Variants in PAH observed in about 807,000 individuals in gnomAD.
The protein encoded by PAH is phenylalanine-4-hydroxylase.
Under a neutral mutation model 62.0 loss-of-function variants are expected in PAH, and 64 were observed. The observed-to-expected ratio is 1.03, with a 90% confidence interval of 0.84 to 1.27. PAH has a LOEUF of 1.27. Ranked by LOEUF, PAH falls within the 50% of genes most tolerant of loss-of-function variation. PAH has a pLI of 0.00. For synonymous variants in PAH, 195 were observed against 196.2 expected, an observed-to-expected ratio of 0.99 and a Z score of 0.05; for missense variants, 579 against 542.8, an observed-to-expected ratio of 1.07 and a Z score of -0.66.
chr12:102,890,824 T>C (rs887543073), intron 3 of PAH, among the ~76,000 whole-genome samples: 1 of 152,200 alleles, frequency 6.6e-6, no homozygotes, highest in African/African-American at 2.4e-5. Flanking sequence ...GGCTCACACT[T>C]GTAATCTCAG....
chr12:102,839,187 C>A lies in PAH; in HGVS notation c.1347G>T (p.Gln449His), dbSNP rs1258710210. The change falls in exon 13 of 13, where the codon CAG becomes CAT. Residue 449 changes from glutamine to histidine, a missense_variant. Gln to His is a conservative substitution (Grantham distance 24, BLOSUM62 0). Transcript: ENST00000553106. ...TCTGTCCATGGCTTTACTTTATTTT[C>A]TGGAGGGCACTGCAAAGGATTCCAA... ...SEIGILCSAL[Q>H]KIK 3.1e-6 allele frequency: 5 copies of A among 1,613,736 alleles called. No homozygotes were observed. The highest frequency in any genetic ancestry group is 4.2e-6 in the Non-Finnish European group (5 of 1,179,784).
At chr12:102,956,438 C>T (rs1316506082) in intron 1 of PAH, among the ~76,000 whole-genome samples, 1 of 152,170 alleles carries the variant, frequency 6.6e-6, no homozygotes, top group Non-Finnish European at 1.5e-5. Flanking sequence ...GCTGCAAGCG[C>T]CTCCCCCTCC....
intron 3 of PAH, among the ~76,000 whole-genome samples, chr12:102,879,558 G>A (rs1210009605): frequency 6.7e-6 from 1 of 149,492 alleles, no homozygotes; most frequent in African/African-American, 2.5e-5. Context: ...TACCACCCAT[G>A]TTAGCAATAA....
chr12:102,901,878 T>G (rs1877774759), intron 2 of PAH, among the ~76,000 whole-genome samples: 1 of 152,106 alleles, frequency 6.6e-6, no homozygotes, highest in South Asian at 2.1e-4. Context: ...CTGTTCTAGG[T>G]GCTGGAGTGT....
chr12:102,850,446 G>T (rs983120403), intron 8 of PAH, among the ~76,000 whole-genome samples: 4 of 152,110 alleles, frequency 2.6e-5, no homozygotes, highest in Non-Finnish European at 5.9e-5. Context: ...GTTTATTTCT[G>T]CCAGCTGAGG....
intron 4 of PAH, among the ~76,000 whole-genome samples, chr12:102,869,268 T>C (rs1429915864): frequency 2.6e-5 from 4 of 152,232 alleles, no homozygotes; most frequent in Non-Finnish European, 5.9e-5. Context: ...TAAAAGCTAA[T>C]GTAATACTGT....
intron 4 of PAH, among the ~76,000 whole-genome samples, chr12:102,868,630 G>A (rs972224171): frequency 6.6e-6 from 1 of 150,836 alleles, no homozygotes; most frequent in Non-Finnish European, 1.5e-5. Context: ...CGTTTCTACT[G>A]GGTGAAGGTA....
Position 102,914,931 on chromosome 12 carries a change from T to C in PAH, c.61-2033A>G, listed in dbSNP as rs561701396. 4.6e-5 allele frequency among the ~76,000 whole-genome samples: 7 copies of C among 152,270 alleles called. No homozygotes were observed. In the South Asian group the frequency reaches 1.5e-3, roughly 32 times the overall value. On this transcript the variant is annotated intron_variant, in intron 1 of 12. Coordinates refer to ENST00000553106, the MANE Select transcript of PAH (RefSeq NM_000277.3). Reference sequence around the variant, plus strand: ...TTCCCACTGCCATCACCTGAATCCATTTCTTAGTGGCCTGCATCGATCCAG... The same window carrying C: ...TTCCCACTGCCATCACCTGAATCCACTTCTTAGTGGCCTGCATCGATCCAG...
intron 2 of PAH, among the ~76,000 whole-genome samples, chr12:102,898,731 G>A (rs1056285469): frequency 5.9e-5 from 9 of 152,264 alleles, no homozygotes; most frequent in African/African-American, 1.9e-4. Flanking sequence ...GCTAGAGAGC[G>A]AGGCCCATTT....
At chr12:102,933,362 A>G (rs1042046354) in intron 1 of PAH, among the ~76,000 whole-genome samples, 3 of 152,108 alleles carry the variant, frequency 2.0e-5, no homozygotes, top group African/African-American at 7.2e-5. Flanking sequence ...CACATTTTGC[A>G]TATCTATTCA....
chr12:102,897,368 T>C (rs1877546298), intron 2 of PAH, among the ~76,000 whole-genome samples: 1 of 151,632 alleles, frequency 6.6e-6, no homozygotes, highest in South Asian at 2.1e-4. Context: ...TTATGAATTA[T>C]CAGTTTATAC....
chr12:102,866,982 G>A (rs550124719), intron 4 of PAH, among the ~76,000 whole-genome samples: 2 of 152,334 alleles, frequency 1.3e-5, no homozygotes, highest in South Asian at 4.1e-4. Context: ...TAGGATGGAT[G>A]TCTATGATGA....
chr12:102,912,686 A>G, intron 2 of PAH, 105 bp downstream of exon 2: 3 of 840,918 alleles, frequency 3.6e-6, no homozygotes, highest in Non-Finnish European at 4.1e-6. Flanking sequence ...TCAAATTCAA[A>G]TCTGCCTGTT....
chr12:102,901,585 C>A (rs1161928906), intron 2 of PAH, among the ~76,000 whole-genome samples: 3 of 151,818 alleles, frequency 2.0e-5, no homozygotes, highest in Admixed American at 6.6e-5. Context: ...AAATTTTTCT[C>A]AGCTCTTTTT....
intron 2 of PAH, among the ~76,000 whole-genome samples, chr12:102,895,292 T>A (rs77341458): frequency 8.4e-4 from 128 of 152,308 alleles, no homozygotes; most frequent in African/African-American, 2.9e-3. Context: ...GGAATTACAA[T>A]AAATAAATAA....
chr12:102,877,567 G>A lies in PAH; in HGVS notation c.353-17C>T. 1 of 1,593,676 alleles carries A rather than the reference G, an allele frequency of 6.3e-7. No individual in the cohort carries two copies. Among genetic ancestry groups the A allele is most frequent in the Non-Finnish European group, 8.6e-7 (1 of 1,161,380 alleles). ...ACCAGGGCACTGAAACACAGAGAAG[G>A]CAACGTCCTGAGTACAGATTGGCAG... On this transcript the variant is annotated splice_polypyrimidine_tract_variant and intron_variant, in intron 3 of 12. Transcript: ENST00000553106.
rs1878253594 is a variant in PAH, at chr12:102,912,815, C to A, written c.144G>T (p.Leu48Phe). Residue 48 changes from leucine to phenylalanine, a missense_variant, in exon 2 of 13, where the codon TTG becomes TTT. Leu to Phe is a conservative substitution (Grantham distance 22). Transcript: ENST00000553106. ...IFSLKEEVGA[L>F]AKVLRLFEEN... ...CCTCAAATAAGCGCAATACTTTGGC[C>A]AATGCACCAACTTCTTCTTTGAGTG... is the stretch of plus-strand genomic sequence containing the variant. 6.2e-7 allele frequency: 1 copy of A among 1,613,038 alleles called. No homozygotes were observed.
intron 5 of PAH, among the ~76,000 whole-genome samples, chr12:102,862,873 G>T (rs781646631): frequency 1.3e-5 from 2 of 151,930 alleles, no homozygotes; most frequent in Non-Finnish European, 2.9e-5. Context: ...TAGGCAAAAA[G>T]ATAGCATTTT....
At chr12:102,939,838 G>C (rs1879228048) in intron 1 of PAH, among the ~76,000 whole-genome samples, 1 of 152,162 alleles carries the variant, frequency 6.6e-6, no homozygotes, top group South Asian at 2.1e-4. Context: ...AGCTAGGGAG[G>C]AAACAAAAGC....
Sources: allele counts gnomAD v4.1 joint callset (sites outside exome capture counted in the v4.1 genomes callset), GRCh38; gene constraint gnomAD v4.1.1; transcripts MANE v1.5; gene names NCBI Gene and HGNC (gene_info 2026-07-23, HGNC 2026-07-21).